Variants in CRYBG1 observed in about 807,000 individuals in gnomAD.
CRYBG1 encodes beta/gamma crystallin domain-containing protein 1.
A neutral mutation model predicts 189.2 loss-of-function variants in CRYBG1; 139 were observed. The ratio of observed to expected loss-of-function variants is 0.73; its 90% CI spans 0.64 to 0.85. The LOEUF (loss-of-function observed/expected upper bound fraction) is 0.85, where lower values mean the gene tolerates loss of function less well. CRYBG1 is among the 40% of genes least tolerant of loss of function. CRYBG1 has a pLI of 0.00. For synonymous variants in CRYBG1, 1,023 were observed against 1,017.1 expected, an observed-to-expected ratio of 1.01 and a Z score of -0.11; for missense variants, 2,611 against 2,675.8, an observed-to-expected ratio of 0.98 and a Z score of 0.53.
chr6:106,384,035 G>A (rs76957895), intron 1 of CRYBG1, among the ~76,000 whole-genome samples: 3,600 of 152,338 alleles, frequency 0.024, 133 homozygotes, highest in African/African-American at 0.081. Flanking sequence ...TGGCCATGCA[G>A]GTACCAGGTG....
At chr6:106,432,170 C>G (rs74499423) in intron 1 of CRYBG1, among the ~76,000 whole-genome samples, 1 of 152,130 alleles carries the variant, frequency 6.6e-6, no homozygotes, top group African/African-American at 2.4e-5. Flanking sequence ...ACCTCATAAC[C>G]TAGATTCCTT....
Position 106,512,823 on chromosome 6 carries a change from G to A in CRYBG1, c.1706G>A (p.Arg569His), listed in dbSNP as rs1773324206. 5.1e-6 allele frequency: 8 copies of A among 1,575,544 alleles called. No individual in the cohort carries two copies. The highest frequency in any genetic ancestry group is 6.9e-6 in the Non-Finnish European group (8 of 1,160,438). Residue 569 changes from arginine to histidine, a missense_variant, in exon 3 of 22, where the codon CGC becomes CAC. Arg to His is a conservative substitution (Grantham distance 29). Transcript: ENST00000633556. ...GAGGAGGCGGCGCGGGCCATCCCCCGCGAGCTCCCGGTCAAGAGCAGCTCG... is the reference window on the plus strand; with the variant it reads ...GAGGAGGCGGCGCGGGCCATCCCCCACGAGCTCCCGGTCAAGAGCAGCTCG... ...SGEEAARAIP[R>H]ELPVKSSSLL...
intron 1 of CRYBG1, among the ~76,000 whole-genome samples, chr6:106,398,489 A>G (rs1443007909): frequency 6.6e-6 from 1 of 152,126 alleles, no homozygotes; most frequent in Non-Finnish European, 1.5e-5. Flanking sequence ...CCAATAAACC[A>G]ACAACCGGTG....
chr6:106,528,973 T>C (rs1448919754), intron 7 of CRYBG1, among the ~76,000 whole-genome samples: 2 of 151,804 alleles, frequency 1.3e-5, no homozygotes, highest in East Asian at 1.9e-4. Flanking sequence ...TGAGACAGTC[T>C]TGCTCTGTCG....
rs1773384090 is a variant in CRYBG1 at position 106,514,932 on chromosome 6, C to CACA, written c.1922+1893_1922+1894insACA. 1.6e-4 allele frequency among the ~76,000 whole-genome samples: 24 copies of CACA among 152,336 alleles called. 1 individual carries two copies. The South Asian group carries it at 5.0e-3, about 32-fold the overall frequency. On this transcript the variant is annotated intron_variant, in intron 3 of 21. Coordinates refer to ENST00000633556, the MANE Select transcript of CRYBG1 (RefSeq NM_001371242.2). ...TTGACTTAAAAATTAATAAGTATTTCTAGTCCTTTGACCCATTTCTTTGTG... is the reference window on the plus strand; with the variant it reads ...TTGACTTAAAAATTAATAAGTATTTCACATAGTCCTTTGACCCATTTCTTTGTG...
rs1774716169 is a variant in CRYBG1, at chr6:106,561,424, T to C, written c.6062T>C (p.Leu2021Pro). Residue 2021 changes from leucine (L) to proline (P), a missense_variant, in exon 20 of 22, where the codon CTG becomes CCG. Around this residue, in one of 3 missense-constraint regions of CRYBG1, gnomAD observed 1,622 missense variants for 1,735.0 expected, o/e 0.93. Coordinates refer to ENST00000633556, the MANE Select transcript of CRYBG1 (RefSeq NM_001371242.2). ...GGAAACTTAGAGGATCTGAAGCTTC[T>C]GAGGATACAGGTCATGGAGGATGTC... ...TNGNLEDLKL[L>P]RIQVMEDVGA... The C allele has an allele frequency of 6.2e-7, 1 of 1,614,188 alleles. No individual in the cohort carries two copies. The highest frequency in any genetic ancestry group is 8.5e-7 in the Non-Finnish European group (1 of 1,180,008).
At chr6:106,517,714 C>T (rs539212460) in intron 3 of CRYBG1, among the ~76,000 whole-genome samples, 1 of 152,066 alleles carries the variant, frequency 6.6e-6, no homozygotes, top group African/African-American at 2.4e-5. Flanking sequence ...AAAAACAACT[C>T]TGTTCTAAAC....
At chr6:106,462,582 T>G (rs183676683) in intron 2 of CRYBG1, among the ~76,000 whole-genome samples, 12 of 152,342 alleles carry the variant, frequency 7.9e-5, no homozygotes, top group African/African-American at 2.4e-4. Context: ...TTTCAGAACC[T>G]CTAATGCTAG....
chr6:106,473,156 C>T (rs1772271244), intron 2 of CRYBG1, among the ~76,000 whole-genome samples: 1 of 152,144 alleles, frequency 6.6e-6, no homozygotes, highest in African/African-American at 2.4e-5. Flanking sequence ...GATGCCCTCT[C>T]CAATTTTAAC....
intron 7 of CRYBG1, 70 bp downstream of exon 7, chr6:106,527,540 A>T (rs2219666): frequency 0.51 from 753,596 of 1,478,116 alleles, 194,533 homozygotes; most frequent in South Asian, 0.65. Context: ...AAGGGAAATG[A>T]TCATTTTACG....
chr6:106,363,243 C>CAAA lies in CRYBG1; in HGVS notation c.173+2184_173+2186dup, dbSNP rs57040798. On this transcript the variant is annotated intron_variant, in intron 1 of 21. Transcript: ENST00000633556. ...TGGGCGACAGAGCGAAACTCCGTCT[C>CAAA]AAAAAAAAAAAAAAAAAAAAAAAAT... 2.6e-3 allele frequency among the ~76,000 whole-genome samples: 286 copies of CAAA among 111,036 alleles called. 3 individuals are homozygous for CAAA. In the East Asian group the frequency reaches 0.033, roughly 13 times the overall value. The allele number at this position is 111,036 out of a possible 152,430, so 72.8% of individuals were successfully genotyped here.
At chr6:106,493,970 G>A (rs542783692) in intron 2 of CRYBG1, among the ~76,000 whole-genome samples, 6 of 151,928 alleles carry the variant, frequency 3.9e-5, no homozygotes, top group Non-Finnish European at 5.9e-5. Context: ...ATAAGTTAAA[G>A]GGGAAAAAAA....
chr6:106,413,261 G>C lies in CRYBG1; in HGVS notation c.174-38433G>C, dbSNP rs148249729. 2.4e-3 allele frequency among the ~76,000 whole-genome samples: 371 copies of C among 152,280 alleles called. 4 individuals carry two copies. Among genetic ancestry groups the C allele is most frequent in the African/African-American group, 8.6e-3 (357 of 41,566 alleles). On this transcript the variant is annotated intron_variant, in intron 1 of 21. Transcript: ENST00000633556. ...GTGATTATGCCAACCCCTGGCACTG[G>C]GCACTGGTTTGGTCCCAGCAGAATC...
intron 18 of CRYBG1, among the ~76,000 whole-genome samples, chr6:106,560,117 G>A (rs1171906208): frequency 6.6e-6 from 1 of 152,096 alleles, no homozygotes; most frequent in Non-Finnish European, 1.5e-5. Context: ...AGAATATTAG[G>A]GTGGTAGAAT....
In CRYBG1 at chr6:106,519,988, A is replaced by G; in HGVS notation, c.2780A>G (p.Glu927Gly). Reference sequence around the variant, plus strand: ...AACAATGAGAAAATGCCACTTTTAGAACTTGGAGGAGAAACAACCCCTCCT... The same window carrying G: ...AACAATGAGAAAATGCCACTTTTAGGACTTGGAGGAGAAACAACCCCTCCT... Reference protein sequence around the residue: ...RQNNEKMPLLELGGETTPPLS... With the variant: ...RQNNEKMPLLGLGGETTPPLS... The change falls in exon 4 of 22, where the codon GAA becomes GGA. Residue 927 changes from glutamate (E) to glycine (G), a missense_variant. Physicochemically the swap from Glu to Gly is moderately conservative, Grantham distance 98. Coordinates refer to ENST00000633556, the MANE Select transcript of CRYBG1 (RefSeq NM_001371242.2). The G allele has an allele frequency of 6.2e-7, 1 of 1,614,126 alleles. No homozygotes were observed. Among genetic ancestry groups the G allele is most frequent in the Non-Finnish European group, 8.5e-7 (1 of 1,180,014 alleles).
chr6:106,568,568 C>T lies in CRYBG1; in HGVS notation c.*2C>T. 2.5e-6 allele frequency: 4 copies of T among 1,600,662 alleles called. No homozygotes were observed. The highest frequency in any genetic ancestry group is 3.4e-6 in the Non-Finnish European group (4 of 1,168,242). On this transcript the variant is annotated 3_prime_UTR_variant, in exon 22 of 22. Transcript: ENST00000633556. ...GAAGCCATGGTCCTATATACCTGAACAAAGAAGGAAGAAGAATCTTCTGGA... is the reference window on the plus strand; with the variant it reads ...GAAGCCATGGTCCTATATACCTGAATAAAGAAGGAAGAAGAATCTTCTGGA...
At chr6:106,473,473 A>G (rs1582783011) in intron 2 of CRYBG1, among the ~76,000 whole-genome samples, 1 of 152,342 alleles carries the variant, frequency 6.6e-6, no homozygotes, top group East Asian at 1.9e-4. Context: ...ATACACAGAT[A>G]TATTTCCTTG....
intron 2 of CRYBG1, among the ~76,000 whole-genome samples, chr6:106,484,957 C>T (rs939602497): frequency 6.6e-6 from 1 of 152,060 alleles, no homozygotes; most frequent in South Asian, 2.1e-4. Context: ...AGCTACTGTA[C>T]CCCAGCCTGG....
intron 13 of CRYBG1, among the ~76,000 whole-genome samples, chr6:106,551,531 C>T (rs1284267141): frequency 2.0e-5 from 3 of 152,124 alleles, no homozygotes; most frequent in South Asian, 4.1e-4. Context: ...TGGGTATATC[C>T]CAGTAATGGG....
Sources: gnomAD v4.1 joint callset for allele counts (sites outside exome capture counted in the v4.1 genomes callset) on GRCh38, gnomAD v4.1.1 for gene constraint, gnomAD v4.1.1 regional missense constraint, MANE v1.5 for transcripts, NCBI Gene and HGNC (gene_info 2026-07-23, HGNC 2026-07-21) for gene names.